Variants in ANO3 observed in about 807,000 individuals in gnomAD.
The protein encoded by ANO3 is anoctamin 3, also known as anoctamin-3.
Under a neutral mutation model 144.8 loss-of-function variants are expected in ANO3, and 99 were observed. The ratio of observed to expected loss-of-function variants is 0.68; its 90% confidence interval spans 0.58 to 0.81. ANO3 has a LOEUF of 0.81. ANO3 is among the 30% of genes least tolerant of loss of function. ANO3 has a pLI of 0.00. For synonymous variants in ANO3, 414 were observed against 392.6 expected (o/e 1.05, Z -0.64); for missense variants, 905 against 1,202.2 (o/e 0.75, Z 3.66).
At chr11:26,517,064 G>GT (rs915614326) in intron 6 of ANO3, 137 bp downstream of exon 6, 1,630 of 445,428 alleles carry the variant, frequency 3.7e-3, no homozygotes, top group South Asian at 5.7e-3. Context: ...ATTCTGGACA[G>GT]TTTTTTTTTC....
chr11:26,323,752 A>C (rs181003952), intron 1 of ANO3, among the ~76,000 whole-genome samples: 2 of 152,342 alleles, frequency 1.3e-5, no homozygotes, highest in East Asian at 3.9e-4. Context: ...TACTGGCAAA[A>C]ATTGACAAAT....
At chr11:26,335,678 A>G (rs1855174189) in intron 1 of ANO3, among the ~76,000 whole-genome samples, 1 of 152,168 alleles carries the variant, frequency 6.6e-6, no homozygotes, top group Admixed American at 6.5e-5. Context: ...CGTGTATGCC[A>G]GGGACTGTGC....
chr11:26,624,080 C>T (rs1053751074), intron 17 of ANO3, among the ~76,000 whole-genome samples: 12 of 152,298 alleles, frequency 7.9e-5, no homozygotes, highest in African/African-American at 2.6e-4. Context: ...GCCACCGCGC[C>T]CGGCCAAAAA....
At chr11:26,433,393 C>T (rs1431688163) in intron 1 of ANO3, among the ~76,000 whole-genome samples, 1 of 152,088 alleles carries the variant, frequency 6.6e-6, no homozygotes, top group Non-Finnish European at 1.5e-5. Flanking sequence ...TTCTTTCTCT[C>T]TTGCCTGATT....
At chr11:26,505,053 A>G (rs951312612) in intron 4 of ANO3, among the ~76,000 whole-genome samples, 11 of 150,868 alleles carry the variant, frequency 7.3e-5, no homozygotes, top group African/African-American at 2.7e-4. Context: ...GAGAAAAGGT[A>G]GAAGCAAAGA....
At chr11:26,274,727 C>T (rs1469643433) in intron 1 of ANO3, among the ~76,000 whole-genome samples, 3 of 152,096 alleles carry the variant, frequency 2.0e-5, no homozygotes, top group African/African-American at 7.2e-5. Flanking sequence ...TAGGTTAGGA[C>T]ATCCTTTTGC....
At chr11:26,435,005 C>T (rs138602856) in intron 1 of ANO3, among the ~76,000 whole-genome samples, 7 of 152,078 alleles carry the variant, frequency 4.6e-5, no homozygotes, top group African/African-American at 1.7e-4. Context: ...TGATCTAATA[C>T]TGTCAGGGTA....
intron 4 of ANO3, among the ~76,000 whole-genome samples, chr11:26,485,224 G>A (rs972221210): frequency 2.0e-5 from 3 of 152,274 alleles, no homozygotes; most frequent in Non-Finnish European, 2.9e-5. Flanking sequence ...TATGGTTTGC[G>A]TGTGTGTCTC....
At position 26,442,116 on chromosome 11, in the gene ANO3, A is replaced by T. The variant is rs750898357; in HGVS notation, c.241+4A>T. On this transcript the variant is annotated splice_donor_region_variant and intron_variant, in intron 2 of 26. Transcript: ENST00000256737. ...TCCACTGACAAAGCAGAGCAAGGTG[A>T]GCAGCAATTCCTATTTTCTTGTTCA... 6.2e-7 allele frequency: 1 copy of T among 1,607,324 alleles called. No individual in the cohort carries two copies. The highest frequency in any genetic ancestry group is 1.1e-5 in the South Asian group (1 of 89,666).
At chr11:26,236,689 G>T (rs976577619) in intron 1 of ANO3, among the ~76,000 whole-genome samples, 2 of 151,772 alleles carry the variant, frequency 1.3e-5, no homozygotes, top group African/African-American at 4.8e-5. Flanking sequence ...ATGGTGGCGG[G>T]CGCCTGTAGT....
intron 1 of ANO3, among the ~76,000 whole-genome samples, chr11:26,222,420 G>A (rs1852165671): frequency 6.6e-6 from 1 of 152,170 alleles, no homozygotes; most frequent in Non-Finnish European, 1.5e-5. Context: ...TCCACACTGG[G>A]GTTGCAAGTT....
intron 8 of ANO3, among the ~76,000 whole-genome samples, chr11:26,532,397 C>T (rs745474436): frequency 6.6e-6 from 1 of 152,068 alleles, no homozygotes; most frequent in Non-Finnish European, 1.5e-5. Flanking sequence ...AAATGAAAAA[C>T]ATTCTACTCT....
rs1851434604 is a variant in ANO3, at chr11:26,189,463, C to T, written c.154+133C>T. ...GTATAGCTGATGCCAATTTTAGTTT[C>T]TTTAGTTTTTTCCCAAAATGTATAA... On this transcript the variant is annotated intron_variant, in intron 1 of 27. Transcript: ENST00000672621. 1.2e-5 allele frequency: 5 copies of T among 418,270 alleles called. No individual in the cohort carries two copies. In the South Asian group the frequency reaches 5.0e-4, roughly 41 times the overall value. 25.9% of individuals were successfully genotyped at this position (418,270 alleles called of 1,614,324 possible).
chr11:26,191,848 T>C (rs1164865137), intron 1 of ANO3, among the ~76,000 whole-genome samples: 1 of 152,228 alleles, frequency 6.6e-6, no homozygotes, highest in Non-Finnish European at 1.5e-5. Context: ...CATCTGTAGG[T>C]ATTTGTCCTA....
At chr11:26,572,994 T>C (rs1173871461) in intron 14 of ANO3, among the ~76,000 whole-genome samples, 1 of 152,156 alleles carries the variant, frequency 6.6e-6, no homozygotes, top group Non-Finnish European at 1.5e-5. Flanking sequence ...CTTGGCATAC[T>C]TCCTACACTT....
chr11:26,258,830 T>C (rs1332291946), intron 1 of ANO3, among the ~76,000 whole-genome samples: 2 of 152,300 alleles, frequency 1.3e-5, no homozygotes, highest in African/African-American at 4.8e-5. Context: ...CCTTTCAAGA[T>C]GGTTCAAATT....
At chr11:26,345,266 A>G (rs1855469950) in intron 1 of ANO3, among the ~76,000 whole-genome samples, 1 of 152,200 alleles carries the variant, frequency 6.6e-6, no homozygotes, top group African/African-American at 2.4e-5. Context: ...AAGATAAAAA[A>G]AATCCTTGCT....
At chr11:26,361,253 G>A (rs557407306) in intron 1 of ANO3, among the ~76,000 whole-genome samples, 1 of 152,238 alleles carries the variant, frequency 6.6e-6, no homozygotes, top group African/African-American at 2.4e-5. Flanking sequence ...GCTTTTGCAA[G>A]GTTCTATATT....
chr11:26,607,494 C>T (rs1851969150), intron 17 of ANO3, among the ~76,000 whole-genome samples: 1 of 152,180 alleles, frequency 6.6e-6, no homozygotes, highest in Non-Finnish European at 1.5e-5. Context: ...GTGCCTGTTT[C>T]TCAGAGGCTT....
Sources: gnomAD v4.1 joint callset for allele counts (sites outside exome capture counted in the v4.1 genomes callset) on GRCh38, gnomAD v4.1.1 for gene constraint, MANE v1.5 for transcripts, NCBI Gene and HGNC (gene_info 2026-07-23, HGNC 2026-07-21) for gene names.